The following COBL variants were observed in gnomAD, a reference collection of about 807,000 sequenced individuals.
COBL encodes the protein protein cordon-bleu.
Under a neutral mutation model 98.8 loss-of-function variants are expected in COBL, and 51 were observed. That is an observed-to-expected ratio of 0.52 (90% confidence interval 0.41 to 0.65). COBL has a LOEUF of 0.65. Among genes scored for constraint, COBL ranks in the 30% least tolerant of loss-of-function variants. COBL has a pLI of 0.00. For missense variants in COBL, 1,617 were observed against 1,617.5 expected, an observed-to-expected ratio of 1.00 and a Z score of 0.01; for synonymous variants, 634 against 651.7, an observed-to-expected ratio of 0.97 and a Z score of 0.41.
intron 5 of COBL, among the ~76,000 whole-genome samples, chr7:51,162,087 C>G (rs1786877178): frequency 6.6e-6 from 1 of 152,176 alleles, no homozygotes; most frequent in Admixed American, 6.5e-5. Flanking sequence ...TTATCATTAA[C>G]CGGCATCCAC....
At chr7:51,216,147 A>G (rs1203328289) in intron 2 of COBL, among the ~76,000 whole-genome samples, 1 of 152,212 alleles carries the variant, frequency 6.6e-6, no homozygotes, top group East Asian at 1.9e-4. Context: ...CTAGCACACT[A>G]AATACCTGAC....
rs372511842 is a variant in COBL at position 51,085,223 on chromosome 7, T to C, written c.1039A>G (p.Ser347Gly). The change falls in exon 7 of 13, where the codon AGT becomes GGT. Residue 347 changes from serine (S) to glycine (G), a missense_variant. This residue lies in a region of COBL where 1,304 missense variants were observed against 1,282.0 expected (regional missense o/e 1.02). Coordinates refer to ENST00000265136, the MANE Select transcript of COBL (RefSeq NM_015198.5). ...APPPPQPPPP[S>G]PLIPNRTEDK... Reference sequence around the variant, plus strand: ...TCAGTGCGGTTGGGGATCAGGGGACTCGGTGGTGGTGGCTGTGGTGGAGGG... The same window carrying C: ...TCAGTGCGGTTGGGGATCAGGGGACCCGGTGGTGGTGGCTGTGGTGGAGGG... The C allele has an allele frequency of 3.1e-6, 5 of 1,613,844 alleles. No homozygotes were observed. The highest frequency in any genetic ancestry group is 4.2e-6 in the Non-Finnish European group (5 of 1,180,016).
intron 6 of COBL, among the ~76,000 whole-genome samples, chr7:51,134,105 A>G (rs1038440671): frequency 1.3e-5 from 2 of 152,214 alleles, no homozygotes; most frequent in South Asian, 4.1e-4. Context: ...TCTTATCTTT[A>G]TATGGAAGGA....
At chr7:51,052,294 A>G (rs1790324887) in intron 7 of COBL, among the ~76,000 whole-genome samples, 1 of 152,200 alleles carries the variant, frequency 6.6e-6, no homozygotes, top group Non-Finnish European at 1.5e-5. Context: ...AAAAACCCAC[A>G]TGGTGGGCAG....
intron 1 of COBL, among the ~76,000 whole-genome samples, chr7:51,303,614 A>C (rs773626196): frequency 6.6e-6 from 1 of 152,206 alleles, no homozygotes; most frequent in Non-Finnish European, 1.5e-5. Context: ...GCACCTATTT[A>C]TTTATATGAA....
chr7:51,266,680 T>C (rs1190476544), intron 1 of COBL, among the ~76,000 whole-genome samples: 2 of 152,168 alleles, frequency 1.3e-5, no homozygotes, highest in Non-Finnish European at 2.9e-5. Flanking sequence ...ACAAATAACA[T>C]GGCATATGCA....
At chr7:51,282,779 T>C (rs1030579816) in intron 1 of COBL, among the ~76,000 whole-genome samples, 3 of 151,534 alleles carry the variant, frequency 2.0e-5, no homozygotes, top group Admixed American at 6.6e-5. Flanking sequence ...CTAACCAAGA[T>C]AGACAATCTC....
chr7:51,119,588 A>C (rs530037213), intron 6 of COBL, among the ~76,000 whole-genome samples: 1 of 152,318 alleles, frequency 6.6e-6, no homozygotes, highest in African/African-American at 2.4e-5. Context: ...TTTAAGAGGA[A>C]AAACAAGATT....
At chr7:51,024,280 A>G (rs574965868) in intron 12 of COBL, among the ~76,000 whole-genome samples, 3 of 152,228 alleles carry the variant, frequency 2.0e-5, no homozygotes, top group South Asian at 2.1e-4. Context: ...CTGCACTCCA[A>G]CCTGGGCGAC....
intron 2 of COBL, among the ~76,000 whole-genome samples, chr7:51,210,533 G>T (rs1792313433): frequency 6.6e-6 from 1 of 152,142 alleles, no homozygotes; most frequent in Admixed American, 6.5e-5. Flanking sequence ...GCTCTCTCTG[G>T]GGCTGCCTCT....
At chr7:51,188,274 C>T (rs921983779) in intron 4 of COBL, among the ~76,000 whole-genome samples, 3 of 152,248 alleles carry the variant, frequency 2.0e-5, no homozygotes, top group Non-Finnish European at 2.9e-5. Flanking sequence ...TTCTGTTCTC[C>T]AGCAGTGGTA....
chr7:51,260,876 G>A (rs1015722723), intron 1 of COBL, among the ~76,000 whole-genome samples: 46 of 152,272 alleles, frequency 3.0e-4, no homozygotes, highest in African/African-American at 1.1e-3. Context: ...CAGGGCACTT[G>A]CATTTAGCCA....
chr7:51,217,606 G>A (rs938238386), intron 2 of COBL, among the ~76,000 whole-genome samples: 1 of 151,612 alleles, frequency 6.6e-6, no homozygotes, highest in Non-Finnish European at 1.5e-5. Flanking sequence ...GCCTCCCAAA[G>A]TGCTGGGATT....
intron 5 of COBL, among the ~76,000 whole-genome samples, chr7:51,174,915 T>C (rs955582487): frequency 4.6e-5 from 7 of 152,218 alleles, no homozygotes; most frequent in African/African-American, 1.7e-4. Flanking sequence ...CTGGTCTAAG[T>C]CGGCAGCATT....
At chr7:51,232,582 C>T (rs539786136) in intron 1 of COBL, among the ~76,000 whole-genome samples, 3 of 152,258 alleles carry the variant, frequency 2.0e-5, no homozygotes, top group South Asian at 2.1e-4. Flanking sequence ...GAGGCCAAGG[C>T]GGGCGGATCA....
intron 7 of COBL, among the ~76,000 whole-genome samples, chr7:51,067,074 G>T (rs1189480149): frequency 6.6e-6 from 1 of 152,202 alleles, no homozygotes; most frequent in Non-Finnish European, 1.5e-5. Flanking sequence ...TGCAAAGCCT[G>T]CCAGTGACCG....
intron 1 of COBL, among the ~76,000 whole-genome samples, chr7:51,282,886 C>T (rs1799930566): frequency 6.6e-6 from 1 of 151,608 alleles, no homozygotes; most frequent in Non-Finnish European, 1.5e-5. Flanking sequence ...GACCGGAAAT[C>T]AGTAACAAAG....
intron 5 of COBL, among the ~76,000 whole-genome samples, chr7:51,166,228 A>G (rs1787310123): frequency 6.6e-6 from 1 of 152,006 alleles, no homozygotes; most frequent in Non-Finnish European, 1.5e-5. Flanking sequence ...GATGAAGAAA[A>G]AAAGAGAGAA....
chr7:51,024,141 C>T (rs566222850), intron 12 of COBL, among the ~76,000 whole-genome samples: 82 of 152,068 alleles, frequency 5.4e-4, no homozygotes, highest in Middle Eastern at 6.8e-3. Context: ...AACTCCATCT[C>T]GACTAAAACC....
Sources: gnomAD v4.1 joint callset for allele counts (sites outside exome capture counted in the v4.1 genomes callset) on GRCh38, gnomAD v4.1.1 for gene constraint, gnomAD v4.1.1 regional missense constraint, MANE v1.5 for transcripts, NCBI Gene and HGNC (gene_info 2026-07-23, HGNC 2026-07-21) for gene names.